SNURF: variants seen among roughly 807,000 people sequenced by gnomAD.
SNURF encodes SNURF protein.
SNURF carries 6 observed loss-of-function variants against 11.6 expected under a neutral mutation model. That is an observed-to-expected ratio of 0.52 (90% confidence interval 0.28 to 1.02). SNURF has a LOEUF of 1.02. Among genes scored for constraint, SNURF ranks in the 50% least tolerant of loss-of-function variants. The pLI, the probability that SNURF is intolerant of heterozygous loss-of-function variation, is 0.09. For missense variants in SNURF, 84 were observed against 88.4 expected (o/e 0.95, Z 0.20); for synonymous variants, 29 against 31.6 (o/e 0.92, Z 0.27).
Position 24,967,641 on chromosome 15 carries a change from TAA to T in SNURF, c.111-275_111-274del, listed in dbSNP as rs35079024. On this transcript the variant is annotated intron_variant, in intron 2 of 2. Coordinates refer to ENST00000577949, the Ensembl canonical transcript of SNURF. Reference sequence around the variant, plus strand: ...TGGGCGACAGAGTGAGACTCTGTCTTAAAAAAAAAAAAAAAAATTAGCTGGGT... The same window carrying T: ...TGGGCGACAGAGTGAGACTCTGTCTTAAAAAAAAAAAAAAATTAGCTGGGT... 3.8e-3 allele frequency among the ~76,000 whole-genome samples: 509 copies of T among 133,908 alleles called. 3 individuals are homozygous for T. The highest frequency in any genetic ancestry group is 9.9e-3 in the African/African-American group (358 of 36,030). The allele number at this position is 133,908 out of a possible 152,430, so 87.8% of individuals were successfully genotyped here.
chr15:24,978,722 A>G (rs1443105113), downstream of SNURF: 1 of 488,932 alleles, frequency 2.0e-6, no homozygotes, highest in African/African-American at 2.0e-5. Flanking sequence ...TCTGCTATCT[A>G]ACTTTCACTT....
intron 1 of SNURF, among the ~76,000 whole-genome samples, chr15:24,961,608 T>TTGCTGAGC (rs2074826842): frequency 6.6e-6 from 1 of 152,228 alleles, no homozygotes; most frequent in South Asian, 2.1e-4. Flanking sequence ...AGCTCTTCTA[T>TTGCTGAGC]TGCTTTGCAA....
At chr15:24,971,534 TTATGA>T (rs1171005494), downstream of SNURF, among the ~76,000 whole-genome samples, 3 of 151,378 alleles carry the variant, frequency 2.0e-5, no homozygotes, top group Non-Finnish European at 4.4e-5. Flanking sequence ...TATTATTATA[TTATGA>T]TATATATATA....
intron 3 of SNURF, chr15:24,974,503 G>C: frequency 6.3e-7 from 1 of 1,591,798 alleles, no homozygotes; most frequent in Non-Finnish European, 8.6e-7. Flanking sequence ...TGTAAGGGCC[G>C]AAAGAAATAG....
chr15:24,967,391 G>T (rs1172266803), intron 2 of SNURF, among the ~76,000 whole-genome samples: 1 of 152,062 alleles, frequency 6.6e-6, no homozygotes, highest in Non-Finnish European at 1.5e-5. Context: ...TGTAATCCCA[G>T]CACTTTGGGA....
At chr15:24,972,678 A>T (rs2076575096), downstream of SNURF, among the ~76,000 whole-genome samples, 2 of 151,284 alleles carry the variant, frequency 1.3e-5, no homozygotes, top group African/African-American at 4.9e-5. Flanking sequence ...AATTAGTATG[A>T]TAAGCACTTC....
downstream of SNURF, among the ~76,000 whole-genome samples, chr15:24,973,248 T>C (rs1011997891): frequency 6.6e-6 from 1 of 152,150 alleles, no homozygotes; most frequent in Non-Finnish European, 1.5e-5. Flanking sequence ...TAACATGATA[T>C]ACAGGTTTGT....
rs768170160 is a variant in SNURF, at chr15:24,962,150, C to A, written c.51C>A (p.His17Gln). 5 of 1,613,994 alleles carry A rather than the reference C, an allele frequency of 3.1e-6. No homozygotes were observed. The highest frequency in any genetic ancestry group is 3.4e-6 in the Non-Finnish European group (4 of 1,180,028). The change falls in exon 2 of 3, where the codon CAC (histidine) becomes CAA (glutamine). Residue 17 changes from histidine to glutamine, a missense_variant. His to Gln is a conservative substitution (Grantham distance 24). Coordinates refer to ENST00000577949, the Ensembl canonical transcript of SNURF. ...ACCTGAGACGAACTACAGAACAGCA[C>A]GTACCAGAGGTGGAAGTCCAAGTCA...
At chr15:24,974,155 G>A (rs2076793806) in intron 3 of SNURF, 1 of 416,482 alleles carries the variant, frequency 2.4e-6, no homozygotes, top group South Asian at 3.2e-5. Context: ...TAAGAATGAG[G>A]GACTAGGGAA....
At chr15:24,959,415 C>T (rs1414778967) in intron 1 of SNURF, among the ~76,000 whole-genome samples, 1 of 152,080 alleles carries the variant, frequency 6.6e-6, no homozygotes, top group Non-Finnish European at 1.5e-5. Flanking sequence ...TCACTGGAGC[C>T]TGGGAGTTCA....
chr15:24,978,691 A>G (rs2077331058), downstream of SNURF: 2 of 539,568 alleles, frequency 3.7e-6, no homozygotes, highest in African/African-American at 3.8e-5. Flanking sequence ...ATTCTCTTTA[A>G]TTCTTAGGAT....
intron 1 of SNURF, among the ~76,000 whole-genome samples, chr15:24,956,207 T>A (rs1051389124): frequency 1.3e-5 from 2 of 152,098 alleles, no homozygotes; most frequent in Non-Finnish European, 2.9e-5. Context: ...GGGGGTTACT[T>A]TTTTTTCATT....
intron 3 of SNURF, chr15:24,975,319 T>C (rs2076944943): frequency 1.3e-6 from 2 of 1,579,432 alleles, no homozygotes; most frequent in South Asian, 2.3e-5. Context: ...GACTAGGGTG[T>C]TGGCAAGCTG....
downstream of SNURF, among the ~76,000 whole-genome samples, chr15:24,970,931 A>G (rs185706694): frequency 2.0e-4 from 31 of 152,088 alleles, no homozygotes; most frequent in African/African-American, 7.0e-4. Context: ...GTTTTTGCAT[A>G]CTCTTCGATG....
downstream of SNURF, among the ~76,000 whole-genome samples, chr15:24,970,235 G>A (rs767731812): frequency 6.6e-5 from 10 of 152,218 alleles, no homozygotes; most frequent in East Asian, 5.8e-4. Flanking sequence ...CTTCGTACCC[G>A]TTTTCATTAA....
chr15:24,978,657 T>C (rs1396353746), downstream of SNURF: 2 of 589,680 alleles, frequency 3.4e-6, no homozygotes, highest in African/African-American at 3.7e-5. Context: ...GGGTGATGCC[T>C]ATTAAGCAGT....
At chr15:24,965,383 A>G (rs371011979) in intron 2 of SNURF, among the ~76,000 whole-genome samples, 7 of 152,182 alleles carry the variant, frequency 4.6e-5, no homozygotes, top group Admixed American at 2.6e-4. Context: ...AGAAAAATAA[A>G]AAAATCAGCC....
intron 1 of SNURF, among the ~76,000 whole-genome samples, 162 bp downstream of exon 1, chr15:24,955,224 G>C (rs2062640709): frequency 6.6e-6 from 1 of 152,164 alleles, no homozygotes; most frequent in Non-Finnish European, 1.5e-5. Context: ...TCAGAGGCTT[G>C]CTGTTGTGCC....
At chr15:24,966,848 C>T (rs577114139) in intron 2 of SNURF, among the ~76,000 whole-genome samples, 1 of 152,180 alleles carries the variant, frequency 6.6e-6, no homozygotes, top group African/African-American at 2.4e-5. Context: ...CCCAGCTCCT[C>T]ACCTCAAGGC....
Sources: allele counts gnomAD v4.1 joint callset (sites outside exome capture counted in the v4.1 genomes callset), GRCh38; gene constraint gnomAD v4.1.1; transcripts MANE v1.5; gene names NCBI Gene and HGNC (gene_info 2026-07-23, HGNC 2026-07-21).